EEPD1: variants seen among roughly 807,000 people sequenced by gnomAD.
EEPD1 encodes endonuclease/exonuclease/phosphatase family domain-containing protein 1.
In EEPD1, 17 loss-of-function variants were observed where a neutral mutation model predicts 46.3. That is an observed-to-expected ratio of 0.37 (90% CI 0.25 to 0.55). EEPD1 has a LOEUF of 0.55. Ranked by LOEUF, EEPD1 falls within the 20% of genes least tolerant of loss-of-function variation. EEPD1 has a pLI of 0.83. For missense variants in EEPD1, 673 were observed against 745.6 expected, an observed-to-expected ratio of 0.90 and a Z score of 1.13; for synonymous variants, 313 against 315.6, an observed-to-expected ratio of 0.99 and a Z score of 0.09.
rs1303636747 is a variant in EEPD1 at position 36,199,209 on chromosome 7, C to T, written c.879-39776C>T. ...TACCCAGCACAGAGTGACTCAGACC[C>T]ATCTATTTATCAAGGTGGCCCTCAC... On this transcript the variant is annotated intron_variant, in intron 2 of 7. Transcript: ENST00000242108. Among the ~76,000 whole-genome samples the T allele has an allele frequency of 3.3e-5, 5 of 152,118 alleles. No homozygotes were observed. In the South Asian group the frequency reaches 8.3e-4, roughly 25 times the overall value.
At chr7:36,284,217 AT>A (rs1003195408) in intron 4 of EEPD1, among the ~76,000 whole-genome samples, 10 of 152,204 alleles carry the variant, frequency 6.6e-5, no homozygotes, top group Non-Finnish European at 1.2e-4. Context: ...GCCAGGCACC[AT>A]TTTTGTAAGC....
At chr7:36,218,251 A>G (rs561680291) in intron 2 of EEPD1, among the ~76,000 whole-genome samples, 1 of 152,298 alleles carries the variant, frequency 6.6e-6, no homozygotes, top group East Asian at 1.9e-4. Context: ...AAGACTTCAG[A>G]TGTGCCAAAC....
intron 2 of EEPD1, among the ~76,000 whole-genome samples, chr7:36,226,368 C>T (rs1018097772): frequency 1.3e-5 from 2 of 152,176 alleles, no homozygotes; most frequent in African/African-American, 2.4e-5. Flanking sequence ...CCTCTGCTCC[C>T]GGCCACAGAA....
chr7:36,192,342 A>C, intron 2 of EEPD1, among the ~76,000 whole-genome samples: 1 of 151,910 alleles, frequency 6.6e-6, no homozygotes, highest in East Asian at 1.9e-4. Flanking sequence ...GAGGAGAAAA[A>C]CTCCACCAGA....
At chr7:36,254,069 A>G (rs1786792133) in intron 3 of EEPD1, among the ~76,000 whole-genome samples, 1 of 152,116 alleles carries the variant, frequency 6.6e-6, no homozygotes, top group South Asian at 2.1e-4. Flanking sequence ...AAATTATTTT[A>G]ATAATTTTTA....
At chr7:36,282,101 A>C (rs1787271700) in intron 4 of EEPD1, among the ~76,000 whole-genome samples, 1 of 152,220 alleles carries the variant, frequency 6.6e-6, no homozygotes, top group East Asian at 1.9e-4. Context: ...TTGGGGGTGT[A>C]AATGGCTCCT....
At chr7:36,290,894 G>A (rs1177165995) in intron 6 of EEPD1, among the ~76,000 whole-genome samples, 3 of 152,206 alleles carry the variant, frequency 2.0e-5, no homozygotes, top group Non-Finnish European at 4.4e-5. Flanking sequence ...GGCTTTTTAG[G>A]AAGATAACTC....
chr7:36,221,034 C>A (rs2540677), intron 2 of EEPD1, among the ~76,000 whole-genome samples: 16,678 of 152,154 alleles, frequency 0.11, 1,230 homozygotes, highest in Non-Finnish European at 0.17. Context: ...GTCCAGAACT[C>A]CTCGCCTGAA....
rs542744945 is a variant in EEPD1 at position 36,280,586 on chromosome 7, C to T, written c.931-529C>T. Among the ~76,000 whole-genome samples the T allele has an allele frequency of 6.6e-5, 10 of 152,324 alleles. No homozygotes were observed. The South Asian group carries it at 1.0e-3, about 16-fold the overall frequency. On this transcript the variant is annotated intron_variant, in intron 3 of 7. Transcript: ENST00000242108. Reference sequence around the variant, plus strand: ...GCATTAGCAAAAGAAGTGCATGCCGCGTGCACGTGTGTGGGTGCAGCAGCA... The same window carrying T: ...GCATTAGCAAAAGAAGTGCATGCCGTGTGCACGTGTGTGGGTGCAGCAGCA...
Position 36,226,547 on chromosome 7 carries a change from A to G in EEPD1, c.879-12438A>G, listed in dbSNP as rs1786234906. ...CAAAAACATGTTCAGGAACTACTCA[A>G]ATGCTTGGGAAATGGAAACGTGAAC... On this transcript the variant is annotated intron_variant, in intron 2 of 7. Coordinates refer to ENST00000242108, the MANE Select transcript of EEPD1 (RefSeq NM_030636.3). Among the ~76,000 whole-genome samples, 5 of 152,252 alleles carry G rather than the reference A, an allele frequency of 3.3e-5. No homozygotes were observed. In the South Asian group the frequency reaches 8.3e-4, roughly 25 times the overall value.
rs897810529 is a variant in EEPD1 at position 36,225,932 on chromosome 7, A to G, written c.879-13053A>G. On this transcript the variant is annotated intron_variant, in intron 2 of 7. Transcript: ENST00000242108. The surrounding 1 kb of genome is among the most constrained non-coding windows in gnomAD (Gnocchi z 4.2). ...AAACATGCTCCTTTCTTTAAAATTC[A>G]TTTTAAAGACATGTCTTAGATGCTC... Among the ~76,000 whole-genome samples the G allele has an allele frequency of 3.9e-5, 6 of 152,248 alleles. No homozygotes were observed. The highest frequency in any genetic ancestry group is 3.3e-4 in the Admixed American group (5 of 15,286).
intron 2 of EEPD1, among the ~76,000 whole-genome samples, chr7:36,174,208 A>G (rs1446570093): frequency 1.3e-5 from 2 of 152,270 alleles, no homozygotes; most frequent in East Asian, 3.9e-4. Context: ...CCGATTACCC[A>G]CGCTTACCTC....
chr7:36,190,305 G>C (rs1785439466), intron 2 of EEPD1, among the ~76,000 whole-genome samples: 2 of 127,228 alleles, frequency 1.6e-5, no homozygotes, highest in Admixed American at 1.8e-4. Context: ...GCAGGAGTCA[G>C]AGGCTACAGT....
chr7:36,292,379 GTTTTC>G (rs1183182888), intron 6 of EEPD1, among the ~76,000 whole-genome samples: 7 of 139,804 alleles, frequency 5.0e-5, no homozygotes, highest in Non-Finnish European at 1.1e-4. Flanking sequence ...CTTTTGTTTT[GTTTTC>G]TTTTCTTTTC....
chr7:36,161,933 A>G (rs1326089183), intron 2 of EEPD1, among the ~76,000 whole-genome samples: 4 of 151,970 alleles, frequency 2.6e-5, no homozygotes, highest in Non-Finnish European at 5.9e-5. Flanking sequence ...TACCTTACAA[A>G]GGATTTTATC....
At position 36,225,413 on chromosome 7, in the gene EEPD1, A is replaced by T. The variant is rs913934168; in HGVS notation, c.879-13572A>T. Among the ~76,000 whole-genome samples, 5 of 152,168 alleles carry T rather than the reference A, an allele frequency of 3.3e-5. No homozygotes were observed. The highest frequency in any genetic ancestry group is 7.3e-5 in the Non-Finnish European group (5 of 68,040). ...TCAGTGATCCGTCATCCAAACTGTG[A>T]TGGAAGGAAACCCCGTGCTCACGAG... On this transcript the variant is annotated intron_variant, in intron 2 of 7. Transcript: ENST00000242108. This position sits in a 1 kb window ranked among gnomAD's most constrained non-coding sequence, Gnocchi z 4.2.
In EEPD1 at chr7:36,154,929, C is replaced by T. The variant is rs1425237206; in HGVS notation, c.605C>T (p.Pro202Leu). 6.2e-7 allele frequency: 1 copy of T among 1,614,076 alleles called. No individual in the cohort carries two copies. The highest frequency in any genetic ancestry group is 8.5e-7 in the Non-Finnish European group (1 of 1,180,020). ...CAGGTGTTTGCTGAGAGGTCCAGGC[C>T]CCCATCCACCCACACGAACGGGGGA... Reference protein sequence around the residue: ...RHQVFAERSRPPSTHTNGGLT... With the variant: ...RHQVFAERSRLPSTHTNGGLT... The change falls in exon 2 of 8, where the codon CCC (proline) becomes CTC (leucine). Residue 202 changes from proline (P) to leucine (L), a missense_variant. Pro to Leu is a moderately conservative substitution (Grantham distance 98). Coordinates refer to ENST00000242108, the MANE Select transcript of EEPD1 (RefSeq NM_030636.3). The surrounding 1 kb of genome is among the most constrained non-coding windows in gnomAD (Gnocchi z 4.2).
chr7:36,189,733 G>A (rs369477981), intron 2 of EEPD1, among the ~76,000 whole-genome samples: 2 of 152,176 alleles, frequency 1.3e-5, no homozygotes, highest in Non-Finnish European at 2.9e-5. Flanking sequence ...ATTTAACACC[G>A]TGGTAAAGAG....
rs1388598777 is a variant in EEPD1, at chr7:36,239,024, G to A, written c.918G>A (p.Glu306=). ...CTGTGCAAGAACTGCTTGACAGAGA[G>A]GCCTTGGAAAAGGTAAATATTTTAC... is the stretch of plus-strand genomic sequence containing the variant. ...LLAVQELLDR[E]ALEKFCTELN... is the part of the protein sequence containing the mutation. The change falls in exon 3 of 8, where the codon GAG becomes GAA. Residue 306 remains glutamate (E), a synonymous_variant. Coordinates refer to ENST00000242108, the MANE Select transcript of EEPD1 (RefSeq NM_030636.3). 1.2e-6 allele frequency: 2 copies of A among 1,611,386 alleles called. No homozygotes were observed. The highest frequency in any genetic ancestry group is 1.7e-6 in the Non-Finnish European group (2 of 1,179,460).
Sources: gnomAD v4.1 joint callset for allele counts (sites outside exome capture counted in the v4.1 genomes callset) on GRCh38, gnomAD v4.1.1 for gene constraint, Gnocchi (gnomAD v3.1) non-coding constraint, MANE v1.5 for transcripts, NCBI Gene and HGNC (gene_info 2026-07-23, HGNC 2026-07-21) for gene names.